Variants in SLC9A9 observed in about 807,000 individuals in gnomAD.
The protein encoded by SLC9A9 is solute carrier family 9 member A9.
In SLC9A9, 62 loss-of-function variants were observed where a neutral mutation model predicts 77.8. The observed-to-expected ratio is 0.80, with a 90% CI of 0.65 to 0.98. The LOEUF (loss-of-function observed/expected upper bound fraction) is 0.98, where lower values mean the gene tolerates loss of function less well. Among genes scored for constraint, SLC9A9 ranks in the 50% least tolerant of loss-of-function variants. SLC9A9 has a pLI of 0.00. For missense variants in SLC9A9, 775 were observed against 774.9 expected (o/e 1.00, Z 0.00); for synonymous variants, 320 against 283.5 (o/e 1.13, Z -1.29).
intron 6 of SLC9A9, among the ~76,000 whole-genome samples, chr3:143,591,137 T>C (rs2037638019): frequency 6.6e-6 from 1 of 152,194 alleles, no homozygotes; most frequent in Non-Finnish European, 1.5e-5. Flanking sequence ...GGAAAATATT[T>C]GCACTGATAG....
At chr3:143,758,800 T>C (rs1331304057) in intron 4 of SLC9A9, among the ~76,000 whole-genome samples, 1 of 151,990 alleles carries the variant, frequency 6.6e-6, no homozygotes, top group African/African-American at 2.4e-5. Flanking sequence ...AGTCTTAGTA[T>C]AAAGTGGGCA....
intron 14 of SLC9A9, among the ~76,000 whole-genome samples, chr3:143,296,875 TGTTTTTTGG>T: frequency 6.6e-5 from 10 of 152,186 alleles, no homozygotes; most frequent in African/African-American, 2.4e-4. Context: ...TTAAATTGGG[TGTTTTTTGG>T]CTATTGAGTT....
Position 143,744,346 on chromosome 3 carries a change from C to A in SLC9A9, c.533+50655G>T, listed in dbSNP as rs941835798. 3.3e-5 allele frequency among the ~76,000 whole-genome samples: 5 copies of A among 152,138 alleles called. No individual in the cohort carries two copies. The East Asian group carries it at 9.6e-4, about 29-fold the overall frequency. On this transcript the variant is annotated intron_variant, in intron 4 of 15. Transcript: ENST00000316549. ...CACTTCACGCCCCTGTCAAAGACAT[C>A]CCTCGTGGTGCCTCTTGATTGGGAG...
chr3:143,672,622 T>C (rs989609448), intron 5 of SLC9A9, among the ~76,000 whole-genome samples: 3 of 152,218 alleles, frequency 2.0e-5, no homozygotes, highest in Non-Finnish European at 4.4e-5. Context: ...ATAACAGTCC[T>C]GCTTTTAATT....
At position 143,795,204 on chromosome 3, in the gene SLC9A9, C is replaced by T. The variant is rs920556692; in HGVS notation, c.457-127G>A. On this transcript the variant is annotated intron_variant, in intron 3 of 15. Coordinates refer to ENST00000316549, the MANE Select transcript of SLC9A9 (RefSeq NM_173653.4). ...TAGGCAAATTTTGGTTTTGGAGCCTCGTTCCTGGCCTTATTGTGCTAATAG... is the reference window on the plus strand; with the variant it reads ...TAGGCAAATTTTGGTTTTGGAGCCTTGTTCCTGGCCTTATTGTGCTAATAG... The T allele has an allele frequency of 1.6e-4, 97 of 601,110 alleles. 1 individual carries two copies. The Middle Eastern group carries it at 5.5e-3, about 34-fold the overall frequency. 37.2% of individuals were successfully genotyped at this position (601,110 alleles called of 1,614,324 possible).
chr3:143,417,829 C>T (rs1230186699), intron 12 of SLC9A9, among the ~76,000 whole-genome samples: 5 of 151,958 alleles, frequency 3.3e-5, no homozygotes, highest in Admixed American at 2.6e-4. Context: ...AATAACTCCC[C>T]CCATATGGCC....
chr3:143,442,754 C>T (rs75435634), intron 12 of SLC9A9, among the ~76,000 whole-genome samples: 2,230 of 152,234 alleles, frequency 0.015, 37 homozygotes, highest in Non-Finnish European at 0.019. Flanking sequence ...TCACATGTTG[C>T]AAGTAAGCGT....
intron 2 of SLC9A9, among the ~76,000 whole-genome samples, chr3:143,806,743 G>C (rs962105172): frequency 6.6e-6 from 1 of 151,544 alleles, no homozygotes; most frequent in Non-Finnish European, 1.5e-5. Flanking sequence ...GTGGTGGGGG[G>C]GGCAAGTGGG....
chr3:143,543,216 A>G (rs1050968533), intron 9 of SLC9A9, among the ~76,000 whole-genome samples: 2 of 152,152 alleles, frequency 1.3e-5, no homozygotes, highest in African/African-American at 2.4e-5. Flanking sequence ...GGACAGTAAA[A>G]TGTTCATCTG....
intron 4 of SLC9A9, among the ~76,000 whole-genome samples, chr3:143,712,175 G>C (rs1934214906): frequency 6.6e-6 from 1 of 152,118 alleles, no homozygotes; most frequent in African/African-American, 2.4e-5. Context: ...TTTACAGATG[G>C]TTTCATGAAC....
intron 12 of SLC9A9, among the ~76,000 whole-genome samples, chr3:143,384,833 C>A (rs1311896458): frequency 6.6e-6 from 1 of 152,146 alleles, no homozygotes; most frequent in East Asian, 1.9e-4. Context: ...ACGGTCCTTG[C>A]CCACACAGGG....
At chr3:143,296,036 A>G (rs1004489842) in intron 14 of SLC9A9, among the ~76,000 whole-genome samples, 2 of 152,150 alleles carry the variant, frequency 1.3e-5, no homozygotes, top group African/African-American at 4.8e-5. Context: ...TCAGAGCTGG[A>G]TAACTTTTTT....
At chr3:143,419,564 A>G (rs1023231166) in intron 12 of SLC9A9, among the ~76,000 whole-genome samples, 2 of 152,102 alleles carry the variant, frequency 1.3e-5, no homozygotes, top group African/African-American at 2.4e-5. Flanking sequence ...TCCCCACGTC[A>G]CTAAGGATAA....
intron 12 of SLC9A9, among the ~76,000 whole-genome samples, chr3:143,414,832 G>T (rs896782991): frequency 2.0e-5 from 3 of 152,214 alleles, no homozygotes; most frequent in Non-Finnish European, 4.4e-5. Flanking sequence ...AGCTAGAAAT[G>T]ATTAAGCTTA....
At chr3:143,352,442 G>A (rs1490674192) in intron 14 of SLC9A9, among the ~76,000 whole-genome samples, 1 of 141,380 alleles carries the variant, frequency 7.1e-6, no homozygotes, top group Non-Finnish European at 1.5e-5. Context: ...GGAATTCCAA[G>A]GAAATGGCTT....
intron 5 of SLC9A9, among the ~76,000 whole-genome samples, chr3:143,665,014 C>G (rs567133825): frequency 6.6e-6 from 1 of 152,212 alleles, no homozygotes; most frequent in African/African-American, 2.4e-5. Flanking sequence ...CTCTCCACCC[C>G]AAATCAACAG....
intron 6 of SLC9A9, among the ~76,000 whole-genome samples, chr3:143,587,256 A>G (rs530364647): frequency 6.6e-6 from 1 of 152,356 alleles, no homozygotes; most frequent in South Asian, 2.1e-4. Context: ...AGGGAACAAA[A>G]CACAGCTCCT....
intron 12 of SLC9A9, among the ~76,000 whole-genome samples, chr3:143,390,978 G>A (rs35358995): frequency 0.31 from 47,385 of 152,142 alleles, 7,553 homozygotes; most frequent in Non-Finnish European, 0.35. Context: ...GGAGCCCACC[G>A]CAGCTCAAGG....
chr3:143,581,023 G>A (rs1208105394), intron 6 of SLC9A9, among the ~76,000 whole-genome samples: 1 of 152,238 alleles, frequency 6.6e-6, no homozygotes, highest in African/African-American at 2.4e-5. Context: ...ACTCGGCAGG[G>A]AAGCCTAAAA....
Sources: allele counts gnomAD v4.1 joint callset (sites outside exome capture counted in the v4.1 genomes callset), GRCh38; gene constraint gnomAD v4.1.1; transcripts MANE v1.5; gene names NCBI Gene and HGNC (gene_info 2026-07-23, HGNC 2026-07-21).